Variants in TNIK observed in about 807,000 individuals in gnomAD.
TNIK encodes TRAF2 and NCK-interacting protein kinase.
TNIK carries 49 observed loss-of-function variants against 191.3 expected under a neutral mutation model. The observed-to-expected ratio is 0.26, with a 90% CI of 0.20 to 0.32. The LOEUF (loss-of-function observed/expected upper bound fraction) is 0.32, where lower values mean the gene tolerates loss of function less well. TNIK is among the 10% of genes least tolerant of loss of function. The pLI, the probability that TNIK is intolerant of heterozygous loss-of-function variation, is 1.00. For synonymous variants in TNIK, 594 were observed against 600.9 expected (o/e 0.99, Z 0.17); for missense variants, 1,155 against 1,702.3 (o/e 0.68, Z 5.66).
intron 4 of TNIK, among the ~76,000 whole-genome samples, chr3:171,205,594 G>T (rs1739958103): frequency 6.6e-6 from 1 of 152,178 alleles, no homozygotes; most frequent in Admixed American, 6.5e-5. Context: ...TCAGGAAGGG[G>T]ATTCACTTAC....
At position 171,060,591 on chromosome 3, in the gene TNIK, T is replaced by C. The variant is rs1000169615; in HGVS notation, c.*3290A>G. ...GTTTAGAAGTCTCCAAGAAAAATAATGAGATCTATCTAAAATAGAGCTGTT... is the reference window on the plus strand; with the variant it reads ...GTTTAGAAGTCTCCAAGAAAAATAACGAGATCTATCTAAAATAGAGCTGTT... On this transcript the variant is annotated 3_prime_UTR_variant, in exon 33 of 33. Coordinates refer to ENST00000436636, the MANE Select transcript of TNIK (RefSeq NM_015028.4). Among the ~76,000 whole-genome samples the C allele has an allele frequency of 2.0e-5, 3 of 152,186 alleles. No homozygotes were observed. The highest frequency in any genetic ancestry group is 7.2e-5 in the African/African-American group (3 of 41,448).
intron 1 of TNIK, among the ~76,000 whole-genome samples, chr3:171,433,362 AC>A (rs1725606740): frequency 6.6e-6 from 1 of 152,302 alleles, no homozygotes; most frequent in African/African-American, 2.4e-5. Context: ...TACAGCAAAA[AC>A]AAATCAAGAC....
intron 1 of TNIK, among the ~76,000 whole-genome samples, chr3:171,406,846 T>C (rs1311516558): frequency 1.3e-5 from 2 of 152,256 alleles, no homozygotes; most frequent in African/African-American, 4.8e-5. Flanking sequence ...AGAAGTGTGA[T>C]ATTCCTGAAA....
chr3:171,398,466 A>G (rs531819072), intron 1 of TNIK, among the ~76,000 whole-genome samples: 1 of 152,350 alleles, frequency 6.6e-6, no homozygotes, highest in South Asian at 2.1e-4. Context: ...GTAGTGTTTC[A>G]CAGAGAGATT....
intron 12 of TNIK, among the ~76,000 whole-genome samples, chr3:171,143,642 C>A (rs1487419485): frequency 1.3e-5 from 2 of 152,156 alleles, no homozygotes; most frequent in African/African-American, 4.8e-5. Flanking sequence ...GTATATCTTA[C>A]CAACTTTGCA....
At chr3:171,167,712 T>A (rs537193576) in intron 9 of TNIK, among the ~76,000 whole-genome samples, 2 of 152,196 alleles carry the variant, frequency 1.3e-5, no homozygotes, top group South Asian at 4.1e-4. Flanking sequence ...ATGAGAATAA[T>A]GTATGTTGGG....
intron 2 of TNIK, among the ~76,000 whole-genome samples, chr3:171,298,613 G>A (rs538684846): frequency 6.6e-6 from 1 of 152,174 alleles, no homozygotes; most frequent in African/African-American, 2.4e-5. Flanking sequence ...AGGGGGACAT[G>A]AGTTGCAGAT....
rs1730227925 is a variant in TNIK at position 171,137,726 on chromosome 3, T to A, written c.1608+465A>T. On this transcript the variant is annotated intron_variant, in intron 15 of 32. Transcript: ENST00000436636. ...ACAAGTCTGAGGTCAACTGTGCATC[T>A]GCTGGTAGTATCACAGTGAACAAAG... is the stretch of plus-strand genomic sequence containing the variant. Among the ~76,000 whole-genome samples, 3 of 152,210 alleles carry A rather than the reference T, an allele frequency of 2.0e-5. No homozygotes were observed. In the South Asian group the frequency reaches 6.2e-4, roughly 32 times the overall value.
chr3:171,064,600 G>A (rs1718190316), intron 32 of TNIK, among the ~76,000 whole-genome samples: 1 of 152,228 alleles, frequency 6.6e-6, no homozygotes, highest in African/African-American at 2.4e-5. Context: ...TGAGATCATA[G>A]CATTAATGAG....
chr3:171,292,910 C>T (rs148150859), intron 2 of TNIK, among the ~76,000 whole-genome samples: 1 of 152,050 alleles, frequency 6.6e-6, no homozygotes, highest in Non-Finnish European at 1.5e-5. Flanking sequence ...GCTCCCTAGA[C>T]TCTTTCTTCT....
chr3:171,291,777 T>A (rs1231269147), intron 2 of TNIK, among the ~76,000 whole-genome samples: 1 of 152,222 alleles, frequency 6.6e-6, no homozygotes, highest in Non-Finnish European at 1.5e-5. Flanking sequence ...TTTGTGTTTC[T>A]CATTCAATTT....
At chr3:171,200,945 A>C (rs1739325232) in intron 4 of TNIK, among the ~76,000 whole-genome samples, 1 of 152,176 alleles carries the variant, frequency 6.6e-6, no homozygotes, top group Non-Finnish European at 1.5e-5. Context: ...AAATGTCACT[A>C]GTCAGTCACC....
At chr3:171,377,412 G>A (rs966167256) in intron 1 of TNIK, among the ~76,000 whole-genome samples, 4 of 152,214 alleles carry the variant, frequency 2.6e-5, no homozygotes, top group Non-Finnish European at 5.9e-5. Flanking sequence ...AGACCCTGCA[G>A]CTCCAGCCTG....
chr3:171,169,548 A>G (rs898400743), intron 9 of TNIK, among the ~76,000 whole-genome samples: 2 of 152,202 alleles, frequency 1.3e-5, no homozygotes, highest in Non-Finnish European at 2.9e-5. Flanking sequence ...TATTACAGGC[A>G]TGGGCCACCG....
chr3:171,126,996 C>T (rs879304805), intron 16 of TNIK, among the ~76,000 whole-genome samples: 1 of 152,194 alleles, frequency 6.6e-6, no homozygotes, highest in African/African-American at 2.4e-5. Flanking sequence ...CTTATCTAAG[C>T]GTGTCTCCTA....
chr3:171,351,271 A>ATGTGTGTG (rs1335605618), intron 2 of TNIK, among the ~76,000 whole-genome samples: 7 of 150,250 alleles, frequency 4.7e-5, no homozygotes, highest in Admixed American at 2.0e-4. Context: ...ATATGTATAT[A>ATGTGTGTG]TGTGTGTGTG....
At chr3:171,064,063 A>G (rs748585164) in intron 32 of TNIK, 99 bp from the exon 33 acceptor site, 274 of 1,132,216 alleles carry the variant, frequency 2.4e-4, no homozygotes, top group Non-Finnish European at 3.4e-4. Flanking sequence ...TATCCTTGCC[A>G]TGTGTCAGGT....
At chr3:171,165,560 T>G (rs1265671540) in intron 10 of TNIK, among the ~76,000 whole-genome samples, 2 of 152,172 alleles carry the variant, frequency 1.3e-5, no homozygotes, top group Non-Finnish European at 2.9e-5. Flanking sequence ...GTCCCCAGCT[T>G]GTGTTATGGG....
rs766840111 is a variant in TNIK at position 171,110,769 on chromosome 3, TTGGGAGCTGGGC to T, written c.2217_2228del (p.Pro740_Gln743del). ...CTTGTGATCCAGGCTGGGAGCCTCC[TTGGGAGCTGGGC>T]TGGGAGCTAGGGGTGCTGGAGCTGG... On this transcript the variant is annotated inframe_deletion, in exon 19 of 33. Transcript: ENST00000436636. The T allele has an allele frequency of 1.0e-5, 16 of 1,603,458 alleles. 1 individual carries two copies. The highest frequency in any genetic ancestry group is 2.3e-5 in the South Asian group (2 of 88,366).
Sources: gnomAD v4.1 joint callset for allele counts (sites outside exome capture counted in the v4.1 genomes callset) on GRCh38, gnomAD v4.1.1 for gene constraint, MANE v1.5 for transcripts, NCBI Gene and HGNC (gene_info 2026-07-23, HGNC 2026-07-21) for gene names.